Variants in TMEM71 observed in about 807,000 individuals in gnomAD.
TMEM71 encodes the protein transmembrane protein 71.
Under a neutral mutation model 38.0 loss-of-function variants are expected in TMEM71, and 44 were observed. The ratio of observed to expected loss-of-function variants is 1.16; its 90% CI spans 0.91 to 1.49. The LOEUF is 1.49. TMEM71 is among the 40% of genes most tolerant of loss of function. TMEM71 has a pLI of 0.00. For synonymous variants in TMEM71, 133 were observed against 122.5 expected (o/e 1.09, Z -0.56); for missense variants, 367 against 348.6 (o/e 1.05, Z -0.42).
intron 5 of TMEM71, among the ~76,000 whole-genome samples, chr8:132,733,227 G>T (rs560987424): frequency 1.4e-4 from 21 of 152,226 alleles, no homozygotes; most frequent in African/African-American, 3.1e-4. Flanking sequence ...TGAGAAAAAG[G>T]TCACTTCATC....
At chr8:132,715,426 A>C (rs1297578352) in intron 7 of TMEM71, among the ~76,000 whole-genome samples, 2 of 150,914 alleles carry the variant, frequency 1.3e-5, no homozygotes, top group East Asian at 3.9e-4. Flanking sequence ...AAAAAAAAAA[A>C]AAAAAAAAAG....
At chr8:132,738,815 A>G (rs1242267981) in intron 5 of TMEM71, among the ~76,000 whole-genome samples, 2 of 151,950 alleles carry the variant, frequency 1.3e-5, no homozygotes, top group Non-Finnish European at 2.9e-5. Flanking sequence ...TTCTTCATTT[A>G]ACAAGCACTT....
intron 4 of TMEM71, among the ~76,000 whole-genome samples, chr8:132,748,841 A>G (rs1828535293): frequency 6.6e-6 from 1 of 152,196 alleles, no homozygotes; most frequent in African/African-American, 2.4e-5. Context: ...CTGATTCGCT[A>G]AAGTCAGACC....
At chr8:132,706,292 T>C (rs1183059254), downstream of TMEM71, among the ~76,000 whole-genome samples, 1 of 152,114 alleles carries the variant, frequency 6.6e-6, no homozygotes, top group East Asian at 1.9e-4. Context: ...CTTCCATCAG[T>C]ATTGGCCCCA....
chr8:132,749,467 G>A (rs1291007701), intron 4 of TMEM71, among the ~76,000 whole-genome samples: 1 of 152,198 alleles, frequency 6.6e-6, no homozygotes, highest in African/African-American at 2.4e-5. Flanking sequence ...TGAGTCTAAG[G>A]TCTCCCCAGT....
chr8:132,721,977 A>G, intron 7 of TMEM71, 63 bp downstream of exon 7: 1 of 1,380,020 alleles, frequency 7.2e-7, no homozygotes, highest in African/African-American at 1.4e-5. Flanking sequence ...CAAGGAAATC[A>G]TCAATCAGCT....
chr8:132,722,532 A>G (rs1826914443), intron 6 of TMEM71, among the ~76,000 whole-genome samples: 2 of 152,232 alleles, frequency 1.3e-5, no homozygotes, highest in Admixed American at 1.3e-4. Context: ...CTTAAACAGC[A>G]CAACAACGCT....
the TMEM71 span, among the ~76,000 whole-genome samples, chr8:132,772,625 C>T: frequency 6.6e-6 from 1 of 152,018 alleles, no homozygotes. Context: ...ATATTCACAC[C>T]CTCTCCACTT....
At chr8:132,727,486 G>C (rs1297740957) in intron 6 of TMEM71, among the ~76,000 whole-genome samples, 2 of 151,980 alleles carry the variant, frequency 1.3e-5, no homozygotes, top group Admixed American at 6.6e-5. Flanking sequence ...TTGATCTCCT[G>C]ACCTTGTGAT....
At chr8:132,717,003 A>C (rs1826569572) in intron 7 of TMEM71, among the ~76,000 whole-genome samples, 1 of 152,260 alleles carries the variant, frequency 6.6e-6, no homozygotes, top group African/African-American at 2.4e-5. Context: ...TGGAAGGCTC[A>C]TGCTTTTCCA....
chr8:132,738,987 C>T (rs1053611268), intron 5 of TMEM71, among the ~76,000 whole-genome samples: 4 of 152,148 alleles, frequency 2.6e-5, no homozygotes, highest in African/African-American at 9.6e-5. Flanking sequence ...GTGGGCAAAG[C>T]TGGGTGAAGC....
chr8:132,750,353 C>T (rs1828638655), intron 4 of TMEM71, among the ~76,000 whole-genome samples: 1 of 152,216 alleles, frequency 6.6e-6, no homozygotes, highest in African/African-American at 2.4e-5. Context: ...CTTATTACAA[C>T]TTGCCCATGT....
intron 7 of TMEM71, among the ~76,000 whole-genome samples, chr8:132,721,373 C>T (rs1826833223): frequency 6.6e-6 from 1 of 152,136 alleles, no homozygotes; most frequent in African/African-American, 2.4e-5. Context: ...TGCAGGGACC[C>T]TAAATCGCAC....
At chr8:132,753,378 T>C (rs1328751834) in intron 3 of TMEM71, among the ~76,000 whole-genome samples, 1 of 152,238 alleles carries the variant, frequency 6.6e-6, no homozygotes, top group Non-Finnish European at 1.5e-5. Context: ...TTTACCTTGA[T>C]GTTTTCAGTA....
intron 9 of TMEM71, 66 bp downstream of exon 9, chr8:132,713,929 C>T: frequency 6.6e-7 from 1 of 1,506,100 alleles, no homozygotes; most frequent in Non-Finnish European, 9.2e-7. Flanking sequence ...CAGCAGAAAC[C>T]ATTCTCAGAT....
chr8:132,749,713 A>T (rs1181411362), intron 4 of TMEM71, among the ~76,000 whole-genome samples: 4 of 152,194 alleles, frequency 2.6e-5, no homozygotes, highest in Non-Finnish European at 4.4e-5. Context: ...GGACAATTAC[A>T]TGAGCAAGAA....
At chr8:132,750,274 T>G (rs1586803855) in intron 4 of TMEM71, among the ~76,000 whole-genome samples, 2 of 152,302 alleles carry the variant, frequency 1.3e-5, no homozygotes, top group East Asian at 3.9e-4. Context: ...TTGGACATAC[T>G]GGGTTTGAGA....
At chr8:132,745,060 A>G (rs896629876) in intron 5 of TMEM71, among the ~76,000 whole-genome samples, 1 of 152,208 alleles carries the variant, frequency 6.6e-6, no homozygotes, top group South Asian at 2.1e-4. Flanking sequence ...ACCTCCCTTA[A>G]CCTATAAGAA....
chr8:132,749,632 GA>G (rs749003008), intron 4 of TMEM71, among the ~76,000 whole-genome samples: 1 of 152,200 alleles, frequency 6.6e-6, no homozygotes, highest in African/African-American at 2.4e-5. Context: ...GGCATATGAT[GA>G]AAGAAAGAGG....
Sources: allele counts gnomAD v4.1 joint callset (sites outside exome capture counted in the v4.1 genomes callset), GRCh38; gene constraint gnomAD v4.1.1; transcripts MANE v1.5; gene names NCBI Gene and HGNC (gene_info 2026-07-23, HGNC 2026-07-21).